The following ALPK1 variants were observed in gnomAD, a reference collection of about 807,000 sequenced individuals.
The protein encoded by ALPK1 is alpha kinase 1, also known as alpha-protein kinase 1.
In ALPK1, 110 loss-of-function variants were observed where a neutral mutation model predicts 120.6. The ratio of observed to expected loss-of-function variants is 0.91; its 90% CI spans 0.78 to 1.07. The LOEUF is 1.07. ALPK1 is among the 50% of genes least tolerant of loss of function. ALPK1 has a pLI of 0.00. For synonymous variants in ALPK1, 582 were observed against 560.3 expected, an observed-to-expected ratio of 1.04 and a Z score of -0.55; for missense variants, 1,498 against 1,483.9, an observed-to-expected ratio of 1.01 and a Z score of -0.16.
At chr4:112,306,449 G>T (rs1314217640) in intron 1 of ALPK1, among the ~76,000 whole-genome samples, 1 of 152,100 alleles carries the variant, frequency 6.6e-6, no homozygotes, top group Admixed American at 6.5e-5. Context: ...TCAATTCAGG[G>T]ATTCAACTTC....
intron 2 of ALPK1, among the ~76,000 whole-genome samples, chr4:112,374,145 G>T (rs1207101477): frequency 6.6e-6 from 1 of 152,192 alleles, no homozygotes; most frequent in Non-Finnish European, 1.5e-5. Flanking sequence ...CAAAATTGCA[G>T]TCGGTCCTCT....
chr4:112,434,083 T>C (rs202198639), intron 11 of ALPK1, among the ~76,000 whole-genome samples: 1 of 152,240 alleles, frequency 6.6e-6, no homozygotes, highest in East Asian at 1.9e-4. Context: ...TCTTACTAAC[T>C]GTGAGATTCT....
chr4:112,397,194 A>G (rs1732689713), intron 4 of ALPK1, among the ~76,000 whole-genome samples: 1 of 152,188 alleles, frequency 6.6e-6, no homozygotes, highest in Admixed American at 6.5e-5. Flanking sequence ...GCCTTTTCCC[A>G]CAGCATCTCC....
intron 13 of ALPK1, 132 bp downstream of exon 13, chr4:112,438,778 T>C: frequency 1.0e-6 from 1 of 991,652 alleles, no homozygotes; most frequent in South Asian, 1.8e-5. Context: ...CCCTGTACTT[T>C]CCAAGAGAGA....
chr4:112,374,790 G>A (rs983091441), intron 2 of ALPK1, among the ~76,000 whole-genome samples: 2 of 152,324 alleles, frequency 1.3e-5, no homozygotes, highest in East Asian at 1.9e-4. Flanking sequence ...CTGTCAATGA[G>A]CAGTAATATT....
At chr4:112,374,547 C>A (rs1187069462) in intron 2 of ALPK1, among the ~76,000 whole-genome samples, 1 of 152,142 alleles carries the variant, frequency 6.6e-6, no homozygotes, top group Non-Finnish European at 1.5e-5. Context: ...GATTCCTTTT[C>A]AGAAGGTCCA....
At chr4:112,309,507 A>G (rs1372881473) in intron 1 of ALPK1, among the ~76,000 whole-genome samples, 1 of 152,074 alleles carries the variant, frequency 6.6e-6, no homozygotes, top group Admixed American at 6.5e-5. Flanking sequence ...CTGCTGTGCT[A>G]GCAATGAGCG....
chr4:112,418,691 C>T (rs1035334748), intron 5 of ALPK1, among the ~76,000 whole-genome samples: 1 of 152,124 alleles, frequency 6.6e-6, no homozygotes, highest in African/African-American at 2.4e-5. Flanking sequence ...TCCCCATGAT[C>T]ACAAAGCAGG....
chr4:112,354,940 G>C (rs1174504984), intron 2 of ALPK1, among the ~76,000 whole-genome samples: 1 of 151,974 alleles, frequency 6.6e-6, no homozygotes, highest in Non-Finnish European at 1.5e-5. Flanking sequence ...CACCTTTTTA[G>C]GTTACACACA....
At chr4:112,324,923 C>G (rs1192945608) in intron 2 of ALPK1, among the ~76,000 whole-genome samples, 1 of 124,500 alleles carries the variant, frequency 8.0e-6, no homozygotes, top group African/African-American at 3.2e-5. Context: ...TTTGTTGAAG[C>G]AAATTGATTA....
chr4:112,435,104 G>A (rs369067371), intron 11 of ALPK1, 44 bp from the exon 12 acceptor site: 107 of 1,578,814 alleles, frequency 6.8e-5, no homozygotes, highest in Admixed American at 7.4e-5. Context: ...GAATTGTAAC[G>A]TCCTTTTGAA....
intron 2 of ALPK1, among the ~76,000 whole-genome samples, chr4:112,333,724 A>G (rs532681879): frequency 1.3e-5 from 2 of 152,108 alleles, no homozygotes; most frequent in Non-Finnish European, 2.9e-5. Context: ...CACATATTCC[A>G]CTAGTTTCTG....
intron 5 of ALPK1, chr4:112,414,941 T>C (rs1733668549): frequency 6.6e-6 from 1 of 152,248 alleles, no homozygotes; most frequent in Admixed American, 6.5e-5. Flanking sequence ...TGAGAGACAA[T>C]TGCCTTGTGC....
chr4:112,429,508 G>A (rs1233585064), intron 10 of ALPK1, among the ~76,000 whole-genome samples: 1 of 152,096 alleles, frequency 6.6e-6, no homozygotes, highest in Admixed American at 6.5e-5. Context: ...AAGCCTGAGT[G>A]CACATCAAAA....
At position 112,299,366 on chromosome 4, in the gene ALPK1, CT is replaced by C. The variant is rs1308316031; in HGVS notation, c.-153+1899del. On this transcript the variant is annotated intron_variant, in intron 1 of 15. Coordinates refer to ENST00000650871, the MANE Select transcript of ALPK1 (RefSeq NM_025144.4). ...TGATTTTAGGCAGTACATGTCTAAA[CT>C]TCAAAATTTTGAGTTATTTGCTAGC... Among the ~76,000 whole-genome samples the C allele has an allele frequency of 2.6e-5, 4 of 152,198 alleles. No individual in the cohort carries two copies. The East Asian group carries it at 7.7e-4, about 29-fold the overall frequency.
At chr4:112,332,264 A>G (rs759477083) in intron 2 of ALPK1, among the ~76,000 whole-genome samples, 20 of 152,226 alleles carry the variant, frequency 1.3e-4, no homozygotes, top group Non-Finnish European at 2.2e-4. Flanking sequence ...ATTTGCCTGT[A>G]TAATACTGAA....
intron 14 of ALPK1, among the ~76,000 whole-genome samples, chr4:112,440,398 A>C (rs1005437710): frequency 7.2e-5 from 11 of 152,156 alleles, no homozygotes; most frequent in Admixed American, 3.9e-4. Flanking sequence ...ATTCATCAGA[A>C]TTTTTATTAG....
At chr4:112,319,352 T>A (rs1307747311) in intron 2 of ALPK1, among the ~76,000 whole-genome samples, 2 of 152,214 alleles carry the variant, frequency 1.3e-5, no homozygotes, top group Admixed American at 1.3e-4. Context: ...CCATGGAGCA[T>A]TTAATAGATA....
chr4:112,405,748 T>C (rs1165404432), intron 4 of ALPK1, among the ~76,000 whole-genome samples: 1 of 152,186 alleles, frequency 6.6e-6, no homozygotes, highest in Non-Finnish European at 1.5e-5. Flanking sequence ...GCTAATTTTT[T>C]GTATTTTTAG....
Sources: gnomAD v4.1 joint callset for allele counts (sites outside exome capture counted in the v4.1 genomes callset) on GRCh38, gnomAD v4.1.1 for gene constraint, MANE v1.5 for transcripts, NCBI Gene and HGNC (gene_info 2026-07-23, HGNC 2026-07-21) for gene names.